Variants in PCSK5 observed in about 807,000 individuals in gnomAD.
PCSK5 encodes prohormone convertase 5.
A neutral mutation model predicts 233.2 loss-of-function variants in PCSK5; 129 were observed. The ratio of observed to expected loss-of-function variants is 0.55; its 90% CI spans 0.48 to 0.64. The LOEUF is 0.64. PCSK5 is among the 30% of genes least tolerant of loss of function. PCSK5 has a pLI of 0.00. For synonymous variants in PCSK5, 825 were observed against 879.2 expected (o/e 0.94, Z 1.09); for missense variants, 2,076 against 2,430.1 (o/e 0.85, Z 3.06).
At chr9:76,100,203 A>G (rs937819263) in intron 8 of PCSK5, among the ~76,000 whole-genome samples, 2 of 152,250 alleles carry the variant, frequency 1.3e-5, no homozygotes, top group African/African-American at 4.8e-5. Flanking sequence ...CGTTCAAAGT[A>G]TAAAGATTAC....
intron 2 of PCSK5, among the ~76,000 whole-genome samples, chr9:75,950,147 G>GTGC (rs751957512): frequency 7.9e-6 from 1 of 126,624 alleles, no homozygotes; most frequent in Non-Finnish European, 1.7e-5. Context: ...GTGTGTGTGG[G>GTGC]GGGGGCGGGG....
rs552322986 is a variant in PCSK5, at chr9:76,362,733, C to G, written c.*3811C>G. Reference sequence around the variant, plus strand: ...TAACCGGTTATGTTATCTATAGATTCCAGACATTGTATGGAAGAGCATTGT... The same window carrying G: ...TAACCGGTTATGTTATCTATAGATTGCAGACATTGTATGGAAGAGCATTGT... On this transcript the variant is annotated 3_prime_UTR_variant, in exon 38 of 38. Coordinates refer to ENST00000674117, the MANE Select transcript of PCSK5 (RefSeq NM_001372043.1). 1.1e-4 allele frequency among the ~76,000 whole-genome samples: 16 copies of G among 152,328 alleles called. No individual in the cohort carries two copies. Among genetic ancestry groups the G allele is most frequent in the African/African-American group, 3.8e-4 (16 of 41,584 alleles).
intron 33 of PCSK5, among the ~76,000 whole-genome samples, chr9:76,329,471 C>G (rs1239945607): frequency 2.6e-5 from 4 of 152,130 alleles, no homozygotes; most frequent in Admixed American, 6.5e-5. Context: ...TTCCATGTCC[C>G]TTTAGCCTCC....
chr9:75,955,229 A>C (rs1284426344), intron 2 of PCSK5, among the ~76,000 whole-genome samples: 2 of 152,130 alleles, frequency 1.3e-5, no homozygotes, highest in Non-Finnish European at 2.9e-5. Context: ...TGCTGTTTTC[A>C]CTATGCCGGG....
At chr9:76,246,988 C>G (rs117744768) in intron 24 of PCSK5, among the ~76,000 whole-genome samples, 3,327 of 152,272 alleles carry the variant, frequency 0.022, 102 homozygotes, top group South Asian at 0.12. Context: ...CGGAATCTTG[C>G]GCCATGAGGT....
rs139361606 is a variant in PCSK5, at chr9:76,175,059, G to A, written c.1830G>A (p.Pro610=). 7.4e-4 allele frequency: 1,194 copies of A among 1,614,108 alleles called. 1 individual carries two copies. Among genetic ancestry groups the A allele is most frequent in the South Asian group, 5.3e-3 (482 of 91,084 alleles). ...CATATTCACCAACCAATGAATTTCCGAAAGTGGAACGGTTCCGCTATAGCC... is the reference window on the plus strand; with the variant it reads ...CATATTCACCAACCAATGAATTTCCAAAAGTGGAACGGTTCCGCTATAGCC... ...VQPYSPTNEF[P]KVERFRYSRV... is the part of the protein sequence containing the mutation. Residue 610 remains proline (P), a synonymous_variant, in exon 14 of 38, where the codon CCG becomes CCA. Coordinates refer to ENST00000674117, the MANE Select transcript of PCSK5 (RefSeq NM_001372043.1).
intron 1 of PCSK5, among the ~76,000 whole-genome samples, chr9:75,893,461 T>C (rs1274395077): frequency 6.6e-6 from 1 of 152,166 alleles, no homozygotes; most frequent in Non-Finnish European, 1.5e-5. Context: ...GAAGCAAATA[T>C]CTGGTCTCAG....
intron 9 of PCSK5, among the ~76,000 whole-genome samples, chr9:76,122,574 C>T (rs1463731905): frequency 2.0e-5 from 3 of 151,870 alleles, no homozygotes; most frequent in Non-Finnish European, 4.4e-5. Context: ...TGTTTGGTGA[C>T]GTATTGTTTT....
At chr9:76,169,679 A>C in intron 12 of PCSK5, 25 bp from the exon 13 acceptor site, 1 of 1,610,684 alleles carries the variant, frequency 6.2e-7, no homozygotes, top group Non-Finnish European at 8.5e-7. Flanking sequence ...AATATCGCAC[A>C]TAACAATGTT....
At chr9:76,285,414 G>C (rs575272003) in intron 24 of PCSK5, among the ~76,000 whole-genome samples, 1 of 152,298 alleles carries the variant, frequency 6.6e-6, no homozygotes, top group East Asian at 1.9e-4. Context: ...CACTTGAGAA[G>C]AGAGTGAGAG....
At chr9:76,000,065 A>G (rs917016071) in intron 3 of PCSK5, among the ~76,000 whole-genome samples, 1 of 152,240 alleles carries the variant, frequency 6.6e-6, no homozygotes, top group Non-Finnish European at 1.5e-5. Context: ...CAAAGAATTT[A>G]GATTTACAAG....
intron 20 of PCSK5, among the ~76,000 whole-genome samples, chr9:76,196,284 G>A (rs1442547602): frequency 6.6e-6 from 1 of 152,224 alleles, no homozygotes; most frequent in Non-Finnish European, 1.5e-5. Context: ...AGCCATGGCT[G>A]GGGGCAAGGA....
chr9:75,902,214 T>TTAAAAAAAAAAAAAAAAAAAA, intron 1 of PCSK5, among the ~76,000 whole-genome samples: 1 of 53,300 alleles, frequency 1.9e-5, no homozygotes, highest in Non-Finnish European at 3.5e-5. Context: ...AGACACCATC[T>TTAAAAAAAAAAAAAAAAAAAA]AAAAAAAAAA....
intron 2 of PCSK5, among the ~76,000 whole-genome samples, chr9:75,976,919 C>G (rs1490945474): frequency 6.6e-6 from 1 of 152,020 alleles, no homozygotes; most frequent in East Asian, 1.9e-4. Context: ...GTATTTTCCC[C>G]TATGTAAGTA....
chr9:76,273,116 T>C (rs1827577354), intron 24 of PCSK5, among the ~76,000 whole-genome samples: 1 of 152,178 alleles, frequency 6.6e-6, no homozygotes, highest in South Asian at 2.1e-4. Flanking sequence ...TCTCTCTACA[T>C]GAATGCCTTT....
intron 3 of PCSK5, among the ~76,000 whole-genome samples, chr9:75,986,498 T>C (rs770666022): frequency 6.6e-6 from 1 of 152,236 alleles, no homozygotes; most frequent in Non-Finnish European, 1.5e-5. Flanking sequence ...GAGCTTACTT[T>C]GTGCAGTAGC....
chr9:75,984,455 T>G (rs1225871731), intron 2 of PCSK5, among the ~76,000 whole-genome samples: 2 of 152,218 alleles, frequency 1.3e-5, no homozygotes, highest in Non-Finnish European at 2.9e-5. Context: ...ATAGGATTAG[T>G]TTTGAAAAGA....
chr9:76,340,649 A>C (rs1564190723), intron 35 of PCSK5, among the ~76,000 whole-genome samples: 1 of 151,370 alleles, frequency 6.6e-6, no homozygotes, highest in African/African-American at 2.4e-5. Flanking sequence ...CAAAAAAAAA[A>C]AAAAAAAAAA....
At chr9:76,096,149 A>C in intron 8 of PCSK5, 47 bp downstream of exon 8, 1 of 1,207,032 alleles carries the variant, frequency 8.3e-7, no homozygotes, top group Non-Finnish European at 1.2e-6. Context: ...TTTAATGTTC[A>C]CTTTGAAATA....
Sources: gnomAD v4.1 joint callset for allele counts (sites outside exome capture counted in the v4.1 genomes callset) on GRCh38, gnomAD v4.1.1 for gene constraint, MANE v1.5 for transcripts, NCBI Gene and HGNC (gene_info 2026-07-23, HGNC 2026-07-21) for gene names.